PTPRG: variants seen among roughly 807,000 people sequenced by gnomAD.
PTPRG encodes the protein protein tyrosine phosphatase receptor type G.
Under a neutral mutation model 165.3 loss-of-function variants are expected in PTPRG, and 102 were observed. The ratio of observed to expected loss-of-function variants is 0.62; its 90% CI spans 0.53 to 0.73. The LOEUF (loss-of-function observed/expected upper bound fraction) is 0.73, where lower values mean the gene tolerates loss of function less well. Among genes scored for constraint, PTPRG ranks in the 30% least tolerant of loss-of-function variants. The pLI, the probability that PTPRG is intolerant of heterozygous loss-of-function variation, is 0.00. For missense variants in PTPRG, 1,866 were observed against 1,861.4 expected (o/e 1.00, Z -0.05); for synonymous variants, 675 against 669.5 (o/e 1.01, Z -0.13).
At chr3:62,053,056 A>G (rs543069596) in intron 4 of PTPRG, among the ~76,000 whole-genome samples, 5 of 152,118 alleles carry the variant, frequency 3.3e-5, no homozygotes, top group Admixed American at 1.3e-4. Context: ...TCCAGTTTCA[A>G]TAGTGTTTGA....
At chr3:61,754,238 C>T (rs2033555776) in intron 2 of PTPRG, among the ~76,000 whole-genome samples, 1 of 152,182 alleles carries the variant, frequency 6.6e-6, no homozygotes, top group African/African-American at 2.4e-5. Context: ...ATGGTCCTCT[C>T]CAACTGTCCT....
chr3:62,003,781 C>T (rs1053871214), intron 4 of PTPRG, among the ~76,000 whole-genome samples: 2 of 152,200 alleles, frequency 1.3e-5, no homozygotes, highest in East Asian at 1.9e-4. Flanking sequence ...TTTCTTTTCA[C>T]TGTCTGTTCC....
At chr3:61,779,534 A>G (rs2034484771) in intron 2 of PTPRG, among the ~76,000 whole-genome samples, 2 of 152,136 alleles carry the variant, frequency 1.3e-5, no homozygotes, top group South Asian at 2.1e-4. Flanking sequence ...GCAGTCCTCC[A>G]GTCAGTGAAG....
chr3:61,797,949 A>T (rs9837408), intron 2 of PTPRG, among the ~76,000 whole-genome samples: 7 of 152,178 alleles, frequency 4.6e-5, no homozygotes, highest in East Asian at 1.9e-4. Context: ...TTTTTAAAAA[A>T]CCAGGTCAAT....
At position 62,262,893 on chromosome 3, in the gene PTPRG, A is replaced by T; in HGVS notation, c.2655A>T (p.Ala885=). ...KHKNRYINIL[A]YDHSRVKLRP... ...AAAACAGATACATCAACATTTTAGCATGTGAGTAATAAGCTTTAAACTACC... is the reference window on the plus strand; with the variant it reads ...AAAACAGATACATCAACATTTTAGCTTGTGAGTAATAAGCTTTAAACTACC... Residue 885 remains alanine (A), a splice_region_variant and synonymous_variant, in exon 17 of 30, where the codon GCA becomes GCT. Transcript: ENST00000474889. 1 of 1,605,854 alleles carries T rather than the reference A, an allele frequency of 6.2e-7. No homozygotes were observed. Among genetic ancestry groups the T allele is most frequent in the Non-Finnish European group, 8.5e-7 (1 of 1,172,534 alleles).
chr3:61,638,591 GTTTTTTTTTTTTTT>G (rs34396141), intron 1 of PTPRG, among the ~76,000 whole-genome samples: 3 of 58,702 alleles, frequency 5.1e-5, no homozygotes, highest in African/African-American at 2.0e-4. Context: ...TGCCTGGCTA[GTTTTTTTTTTTTTT>G]TTTTTTTTTT....
intron 12 of PTPRG, 98 bp from the exon 13 acceptor site, chr3:62,218,753 G>C (rs182133521): frequency 6.9e-7 from 1 of 1,452,282 alleles, no homozygotes; most frequent in African/African-American, 1.4e-5. Context: ...GGCCCAGTTC[G>C]CCAGAAACCA....
intron 6 of PTPRG, among the ~76,000 whole-genome samples, chr3:62,145,576 T>A (rs918592464): frequency 6.6e-6 from 1 of 152,078 alleles, no homozygotes; most frequent in Admixed American, 6.5e-5. Flanking sequence ...CGAAGATGAT[T>A]TGGGTAGCCA....
intron 4 of PTPRG, among the ~76,000 whole-genome samples, chr3:62,056,304 C>T (rs184867113): frequency 2.7e-4 from 41 of 152,300 alleles, no homozygotes; most frequent in Middle Eastern, 3.4e-3. Context: ...GAGTGATATT[C>T]TATTTAGTCT....
At chr3:61,715,481 AG>A (rs2031764094) in intron 1 of PTPRG, among the ~76,000 whole-genome samples, 2 of 152,082 alleles carry the variant, frequency 1.3e-5, no homozygotes, top group South Asian at 4.1e-4. Context: ...GGTCTCCCAA[AG>A]TGCTGAGATT....
In PTPRG at chr3:62,294,047, C is replaced by G. The variant is rs1380398016; in HGVS notation, c.*740C>G. 3 of 152,572 alleles carry G rather than the reference C, an allele frequency of 2.0e-5. No individual in the cohort carries two copies. Among genetic ancestry groups the G allele is most frequent in the African/African-American group, 7.2e-5 (3 of 41,550 alleles). 9.5% of individuals were successfully genotyped at this position (152,572 alleles called of 1,614,324 possible). On this transcript the variant is annotated 3_prime_UTR_variant, in exon 30 of 30. Transcript: ENST00000474889. ...TAGCTATGTGGACAATGTGTTATTT[C>G]CATTTTGACTCTCTAAAATAGCTAC...
At chr3:61,817,003 A>C (rs938919055) in intron 2 of PTPRG, among the ~76,000 whole-genome samples, 1 of 118,738 alleles carries the variant, frequency 8.4e-6, no homozygotes, top group Non-Finnish European at 1.7e-5. Flanking sequence ...ATATTATATA[A>C]TATAAATATA....
At chr3:62,122,259 G>T (rs1703103074) in intron 5 of PTPRG, among the ~76,000 whole-genome samples, 1 of 152,224 alleles carries the variant, frequency 6.6e-6, no homozygotes, top group Non-Finnish European at 1.5e-5. Context: ...ATGTTTAGGT[G>T]AGTTAGCAGG....
chr3:62,274,181 C>A (rs1702160766), intron 23 of PTPRG, among the ~76,000 whole-genome samples: 2 of 152,040 alleles, frequency 1.3e-5, no homozygotes, highest in Admixed American at 6.6e-5. Context: ...ATCTATCTTA[C>A]CTTAATTATT....
intron 17 of PTPRG, chr3:62,264,069 C>T (rs1343260580): frequency 1.3e-5 from 2 of 151,866 alleles, no homozygotes; most frequent in Non-Finnish European, 2.9e-5. Context: ...TGGCATGAAC[C>T]CAGGAGGCGG....
At chr3:61,797,142 CCAGGTTTCCA>C (rs2035074265) in intron 2 of PTPRG, among the ~76,000 whole-genome samples, 1 of 152,200 alleles carries the variant, frequency 6.6e-6, no homozygotes, top group South Asian at 2.1e-4. Context: ...GCTCTTTGAG[CCAGGTTTCCA>C]TCATCTGTGA....
intron 26 of PTPRG, among the ~76,000 whole-genome samples, chr3:62,278,643 C>T (rs139389449): frequency 7.9e-5 from 12 of 152,132 alleles, no homozygotes; most frequent in Non-Finnish European, 1.6e-4. Flanking sequence ...GTCTTGGTGA[C>T]ATGCATTTGA....
intron 1 of PTPRG, among the ~76,000 whole-genome samples, chr3:61,687,743 T>TA (rs1478497292): frequency 6.6e-6 from 1 of 152,246 alleles, no homozygotes; most frequent in Non-Finnish European, 1.5e-5. Context: ...TGCATTCACT[T>TA]AAACATTTGT....
At chr3:62,143,597 C>T (rs1704009858) in intron 6 of PTPRG, among the ~76,000 whole-genome samples, 1 of 150,154 alleles carries the variant, frequency 6.7e-6, no homozygotes. Context: ...ACTTTCTTAG[C>T]GTAAAGACTA....
Sources: gnomAD v4.1 joint callset for allele counts (sites outside exome capture counted in the v4.1 genomes callset) on GRCh38, gnomAD v4.1.1 for gene constraint, MANE v1.5 for transcripts, NCBI Gene and HGNC (gene_info 2026-07-23, HGNC 2026-07-21) for gene names.